The following MCTP2 variants were observed in gnomAD, a reference collection of about 807,000 sequenced individuals.
MCTP2 encodes multiple C2 and transmembrane domain containing 2.
In MCTP2, 132 loss-of-function variants were observed where a neutral mutation model predicts 111.6. The ratio of observed to expected loss-of-function variants is 1.18; its 90% CI spans 1.03 to 1.37. The LOEUF (loss-of-function observed/expected upper bound fraction) is 1.37, where lower values mean the gene tolerates loss of function less well. Ranked by LOEUF, MCTP2 falls within the 40% of genes most tolerant of loss-of-function variation. The pLI, the probability that MCTP2 is intolerant of heterozygous loss-of-function variation, is 0.00. For missense variants in MCTP2, 1,183 were observed against 1,067.9 expected (o/e 1.11, Z -1.50); for synonymous variants, 395 against 387.7 (o/e 1.02, Z -0.22).
chr15:94,440,415 C>T, intron 18 of MCTP2, 117 bp downstream of exon 18: 1 of 1,270,664 alleles, frequency 7.9e-7, no homozygotes, highest in Non-Finnish European at 1.1e-6. Context: ...AGGAGCAGCC[C>T]TGCAAAGGCA....
chr15:94,480,758 T>G lies in MCTP2; in HGVS notation c.*1724T>G, dbSNP rs907371235. On this transcript the variant is annotated 3_prime_UTR_variant, in exon 23 of 23. Coordinates refer to ENST00000357742, the MANE Select transcript of MCTP2 (RefSeq NM_001385001.1). ...TGAATGAAAACTTTCAGCAGCAAAATAACCCCTTATTTATTTAAAAGTGGA... is the reference window on the plus strand; with the variant it reads ...TGAATGAAAACTTTCAGCAGCAAAAGAACCCCTTATTTATTTAAAAGTGGA... The G allele has an allele frequency of 7.2e-5, 11 of 152,218 alleles. No homozygotes were observed. Among genetic ancestry groups the G allele is most frequent in the Non-Finnish European group, 1.6e-4 (11 of 68,026 alleles). The allele number at this position is 152,218 out of a possible 1,614,324, so 9.4% of individuals were successfully genotyped here.
intron 1 of MCTP2, among the ~76,000 whole-genome samples, chr15:94,242,850 G>A (rs1305803549): frequency 6.6e-6 from 1 of 150,632 alleles, no homozygotes; most frequent in Non-Finnish European, 1.5e-5. Flanking sequence ...TTTGATGAAA[G>A]CCTGGCCACT....
intron 17 of MCTP2, among the ~76,000 whole-genome samples, chr15:94,429,587 T>A (rs910642702): frequency 6.6e-6 from 1 of 152,234 alleles, no homozygotes; most frequent in Non-Finnish European, 1.5e-5. Context: ...TATCTCTTTG[T>A]CTCTGGCATT....
rs755287019 is a variant in MCTP2 at position 94,267,869 on chromosome 15, C to CTTTTT, written c.-65-30322_-65-30318dup. 2.1e-4 allele frequency among the ~76,000 whole-genome samples: 16 copies of CTTTTT among 77,458 alleles called. 2 individuals carry two copies. The highest frequency in any genetic ancestry group is 7.2e-4 in the Admixed American group (4 of 5,564). 50.8% of individuals were successfully genotyped at this position (77,458 alleles called of 152,430 possible). A position where few individuals can be genotyped will look rare whatever the true frequency, so the allele number is the denominator to read the frequency against. The stretch of plus-strand genomic sequence containing the variant: ...GGTCTGGATTACTTTCCTTTTCTTT[C>CTTTTT]TTTTTTTTTTTTTTGAGACAGAGTC... On this transcript the variant is annotated intron_variant, in intron 1 of 22. Coordinates refer to ENST00000357742, the MANE Select transcript of MCTP2 (RefSeq NM_001385001.1).
At chr15:94,297,955 C>T (rs1231616146) in intron 1 of MCTP2, among the ~76,000 whole-genome samples, 2 of 151,062 alleles carry the variant, frequency 1.3e-5, no homozygotes, top group Admixed American at 1.3e-4. Flanking sequence ...CCAACCTTAT[C>T]ATCTCATTCT....
chr15:94,328,974 C>G (rs2077015401), intron 4 of MCTP2, among the ~76,000 whole-genome samples: 1 of 152,122 alleles, frequency 6.6e-6, no homozygotes, highest in South Asian at 2.1e-4. Context: ...GCATGTCTTC[C>G]TCATGACATG....
chr15:94,243,313 A>G (rs1222423706), intron 1 of MCTP2, among the ~76,000 whole-genome samples: 1 of 87,102 alleles, frequency 1.1e-5, no homozygotes, highest in East Asian at 2.6e-4. Context: ...ATACATACGT[A>G]TGCGTACATA....
At chr15:94,426,750 G>A (rs1032011807) in intron 17 of MCTP2, among the ~76,000 whole-genome samples, 10 of 151,894 alleles carry the variant, frequency 6.6e-5, no homozygotes, top group Non-Finnish European at 1.5e-4. Context: ...TTTAAAGGGG[G>A]CATGGACTAT....
chr15:94,244,174 ATACG>A (rs1230084982), intron 1 of MCTP2, among the ~76,000 whole-genome samples: 1 of 145,954 alleles, frequency 6.9e-6, no homozygotes, highest in African/African-American at 2.6e-5. Flanking sequence ...GTGTATACAC[ATACG>A]TATGTGTATA....
intron 20 of MCTP2, among the ~76,000 whole-genome samples, chr15:94,469,852 A>C (rs1019131293): frequency 1.3e-5 from 2 of 152,034 alleles, no homozygotes; most frequent in African/African-American, 4.8e-5. Flanking sequence ...AGCCTGGGTA[A>C]CAGCAAGATC....
chr15:94,293,463 C>T (rs534915406), intron 1 of MCTP2, among the ~76,000 whole-genome samples: 5 of 152,244 alleles, frequency 3.3e-5, no homozygotes, highest in African/African-American at 4.8e-5. Flanking sequence ...CAACATCACA[C>T]GTTATTAGGA....
At chr15:94,255,221 T>G (rs1343077128) in intron 1 of MCTP2, among the ~76,000 whole-genome samples, 1 of 152,220 alleles carries the variant, frequency 6.6e-6, no homozygotes, top group African/African-American at 2.4e-5. Context: ...TGATTTCAAA[T>G]ACATCTTTAG....
intron 1 of MCTP2, among the ~76,000 whole-genome samples, chr15:94,281,670 A>G (rs1209984975): frequency 2.0e-5 from 3 of 152,102 alleles, no homozygotes. Flanking sequence ...TATGTACTTC[A>G]GTATATTTTT....
intron 12 of MCTP2, among the ~76,000 whole-genome samples, chr15:94,371,667 A>G (rs1183167494): frequency 6.6e-6 from 1 of 152,144 alleles, no homozygotes; most frequent in East Asian, 1.9e-4. Flanking sequence ...CTTGTTTACA[A>G]CAACATCCAT....
intron 10 of MCTP2, among the ~76,000 whole-genome samples, chr15:94,360,078 C>T (rs1325628634): frequency 6.6e-6 from 1 of 152,152 alleles, no homozygotes; most frequent in African/African-American, 2.4e-5. Context: ...CACACAGCAT[C>T]CCTTTTTTTC....
At position 94,262,817 on chromosome 15, in the gene MCTP2, C is replaced by T. The variant is rs2073268729; in HGVS notation, c.-66+31153C>T. ...TCCTGAGTAGCTGGGATTACAGCCA[C>T]CTACCACAATGGCCATGTAATTTTT... On this transcript the variant is annotated intron_variant, in intron 1 of 22. Transcript: ENST00000357742. Among the ~76,000 whole-genome samples the T allele has an allele frequency of 1.3e-5, 2 of 152,014 alleles. 1 individual carries two copies. Among genetic ancestry groups the T allele is most frequent in the South Asian group, 4.1e-4 (2 of 4,828 alleles).
At chr15:94,430,577 C>CAAAAAAAA (rs11289166) in intron 17 of MCTP2, among the ~76,000 whole-genome samples, 54 of 96,634 alleles carry the variant, frequency 5.6e-4, no homozygotes, top group African/African-American at 1.6e-3. Context: ...ACTAAAAATA[C>CAAAAAAAA]AAAAAAAAAA....
At chr15:94,391,569 CA>C (rs2080978285) in intron 14 of MCTP2, among the ~76,000 whole-genome samples, 1 of 152,146 alleles carries the variant, frequency 6.6e-6, no homozygotes, top group South Asian at 2.1e-4. Context: ...ATTTGATAAA[CA>C]CAAAACTTGA....
intron 21 of MCTP2, among the ~76,000 whole-genome samples, chr15:94,473,087 CTATA>C (rs1310409984): frequency 6.6e-6 from 1 of 151,638 alleles, no homozygotes; most frequent in Non-Finnish European, 1.5e-5. Context: ...AAAAATGTAA[CTATA>C]TATACTAGAT....
Sources: allele counts gnomAD v4.1 joint callset (sites outside exome capture counted in the v4.1 genomes callset), GRCh38; gene constraint gnomAD v4.1.1; transcripts MANE v1.5; gene names NCBI Gene and HGNC (gene_info 2026-07-23, HGNC 2026-07-21).